OTOP2: variants seen among roughly 807,000 people sequenced by gnomAD.
OTOP2 encodes otopetrin 2.
A neutral mutation model predicts 47.4 loss-of-function variants in OTOP2; 41 were observed. That is an observed-to-expected ratio of 0.87 (90% CI 0.67 to 1.12). The LOEUF (loss-of-function observed/expected upper bound fraction) is 1.12. OTOP2 is among the 50% of genes most tolerant of loss of function. The pLI, the probability that OTOP2 is intolerant of heterozygous loss-of-function variation, is 0.00. For synonymous variants in OTOP2, 328 were observed against 319.6 expected (o/e 1.03, Z -0.28); for missense variants, 721 against 752.2 (o/e 0.96, Z 0.49).
Position 74,924,602 on chromosome 17 carries a change from A to T in OTOP2, c.-31A>T, listed in dbSNP as rs754541581. ...TTTTGTCCGCTCCTCCCCTACAGTG[A>T]TCCCTCTAGCCTTCTCCAGTCGCCT... is the stretch of plus-strand genomic sequence containing the variant. On this transcript the variant is annotated splice_region_variant and 5_prime_UTR_variant, in exon 2 of 7. Coordinates refer to ENST00000331427, the MANE Select transcript of OTOP2 (RefSeq NM_178160.3). The surrounding 1 kb of genome is among the most constrained non-coding windows in gnomAD (Gnocchi z 7.7). 4.6e-6 allele frequency: 7 copies of T among 1,506,176 alleles called. No homozygotes were observed. The highest frequency in any genetic ancestry group is 6.2e-6 in the Non-Finnish European group (7 of 1,132,344). 93.3% of individuals were successfully genotyped at this position (1,506,176 alleles called of 1,614,324 possible).
In OTOP2 at chr17:74,927,703, T is replaced by A; in HGVS notation, c.548T>A (p.Ile183Asn). 2 of 1,614,122 alleles carry A rather than the reference T, an allele frequency of 1.2e-6. No individual in the cohort carries two copies. Among genetic ancestry groups the A allele is most frequent in the Non-Finnish European group, 1.7e-6 (2 of 1,180,004 alleles). The change falls in exon 5 of 7, where the codon ATC becomes AAC. Residue 183 changes from isoleucine (I) to asparagine (N), a missense_variant. Physicochemically the swap from Ile to Asn is moderately radical, Grantham distance 149. Transcript: ENST00000331427. ...LMFTLTTNLA[I>N]WMAAVVDESV... Reference sequence around the variant, plus strand: ...TTCACACTCACCACCAACCTGGCCATCTGGATGGCGGCCGTGGTGGATGAA... The same window carrying A: ...TTCACACTCACCACCAACCTGGCCAACTGGATGGCGGCCGTGGTGGATGAA...
Position 74,924,923 on chromosome 17 carries a change from C to A in OTOP2, c.291C>A (p.His97Gln), listed in dbSNP as rs2038992155. Residue 97 changes from histidine to glutamine, a missense_variant, in exon 2 of 7, where the codon CAC becomes CAA. By Grantham distance (24) the His-to-Gln change is conservative. Coordinates refer to ENST00000331427, the MANE Select transcript of OTOP2 (RefSeq NM_178160.3). This position sits in a 1 kb window ranked among gnomAD's most constrained non-coding sequence, Gnocchi z 7.7. The stretch of plus-strand genomic sequence containing the variant: ...GCGCGGTACCCTACCGGGACGCGCA[C>A]GCTGGCCCCATCTGGCTCCGAGGTG... Reference protein sequence around the residue: ...CPCAVPYRDAHAGPIWLRGGL... With the variant: ...CPCAVPYRDAQAGPIWLRGGL... The A allele has an allele frequency of 3.2e-6, 5 of 1,574,718 alleles. No homozygotes were observed. The highest frequency in any genetic ancestry group is 4.3e-6 in the Non-Finnish European group (5 of 1,159,568).
chr17:74,924,610 A>C lies in OTOP2; in HGVS notation c.-23A>C. 6.5e-7 allele frequency: 1 copy of C among 1,536,138 alleles called. No individual in the cohort carries two copies. Among genetic ancestry groups the C allele is most frequent in the Non-Finnish European group, 8.7e-7 (1 of 1,147,700 alleles). On this transcript the variant is annotated 5_prime_UTR_variant, in exon 2 of 7. Transcript: ENST00000331427. The surrounding 1 kb of genome is among the most constrained non-coding windows in gnomAD (Gnocchi z 7.7). The stretch of plus-strand genomic sequence containing the variant: ...GCTCCTCCCCTACAGTGATCCCTCT[A>C]GCCTTCTCCAGTCGCCTCCGCCATG...
Position 74,930,328 on chromosome 17 carries a change from C to A in OTOP2, c.693C>A (p.Ala231=). ...VGGDSCLCST[A]VCQIFQQGYF... ...GAGACTCCTGCCTCTGCAGCACGGC[C>A]GTCTGCCAGATCTTCCAGCAGGGGT... is the stretch of plus-strand genomic sequence containing the variant. Residue 231 remains alanine (A), a synonymous_variant, in exon 6 of 7, where the codon GCC becomes GCA. Coordinates refer to ENST00000331427, the MANE Select transcript of OTOP2 (RefSeq NM_178160.3). This position sits in a 1 kb window ranked among gnomAD's most constrained non-coding sequence, Gnocchi z 4.0. 1 of 1,614,126 alleles carries A rather than the reference C, an allele frequency of 6.2e-7. No individual in the cohort carries two copies. The highest frequency in any genetic ancestry group is 2.2e-5 in the East Asian group (1 of 44,890).
Position 74,924,676 on chromosome 17 carries a change from C to T in OTOP2, c.44C>T (p.Ala15Val), listed in dbSNP as rs1421657433. 1.9e-6 allele frequency: 3 copies of T among 1,595,032 alleles called. No homozygotes were observed. Among genetic ancestry groups the T allele is most frequent in the Non-Finnish European group, 2.6e-6 (3 of 1,173,870 alleles). Residue 15 changes from alanine (A) to valine (V), a missense_variant, in exon 2 of 7, where the codon GCG becomes GTG. Ala to Val is a moderately conservative substitution (Grantham distance 64, BLOSUM62 0). Transcript: ENST00000331427. This position sits in a 1 kb window ranked among gnomAD's most constrained non-coding sequence, Gnocchi z 7.7. ...LAQGPKESPPAPRAGPREVWK... is the reference protein window; with the variant it reads ...LAQGPKESPPVPRAGPREVWK... ...CAGGGCCCCAAGGAGAGCCCCCCGG[C>T]GCCGCGTGCGGGCCCCAGGGAGGTG...
chr17:74,933,354 A>G lies in OTOP2; in HGVS notation c.1519-21A>G. The G allele has an allele frequency of 6.3e-7, 1 of 1,583,290 alleles. No individual in the cohort carries two copies. The highest frequency in any genetic ancestry group is 8.6e-7 in the Non-Finnish European group (1 of 1,156,978). ...GGCATCCATCCAGGCCAGCTCCTGA[A>G]ATGCTCCTCTCTCCACACAGCTGTG... On this transcript the variant is annotated intron_variant, in intron 6 of 6. Coordinates refer to ENST00000331427, the MANE Select transcript of OTOP2 (RefSeq NM_178160.3). The surrounding 1 kb of genome is among the most constrained non-coding windows in gnomAD (Gnocchi z 4.7).
In OTOP2 at chr17:74,930,887, A is replaced by G. The variant is rs1486059455; in HGVS notation, c.1252A>G (p.Asn418Asp). 6.2e-7 allele frequency: 1 copy of G among 1,613,830 alleles called. No individual in the cohort carries two copies. The highest frequency in any genetic ancestry group is 8.5e-7 in the Non-Finnish European group (1 of 1,179,998). The change falls in exon 6 of 7, where the codon AAC becomes GAC. Residue 418 changes from asparagine to aspartate, a missense_variant. Physicochemically the swap from Asn to Asp is conservative, Grantham distance 23. Coordinates refer to ENST00000331427, the MANE Select transcript of OTOP2 (RefSeq NM_178160.3). This position sits in a 1 kb window ranked among gnomAD's most constrained non-coding sequence, Gnocchi z 4.0. The part of the protein sequence containing the change: ...LLMIAQHTFQ[N>D]MFIIESLHRG... ...CATGATCGCCCAGCACACCTTCCAG[A>G]ACATGTTTATCATCGAGAGCCTTCA...
At chr17:74,925,089 G>A in intron 2 of OTOP2, 144 bp downstream of exon 2, 5 of 1,089,276 alleles carry the variant, frequency 4.6e-6, no homozygotes, top group Middle Eastern at 3.0e-4. Context: ...GGGTGAAGTG[G>A]GCTGCAGTTA....
chr17:74,925,710 G>T lies in OTOP2; in HGVS notation c.450+18G>T, dbSNP rs751859623. 2 of 1,613,562 alleles carry T rather than the reference G, an allele frequency of 1.2e-6. No individual in the cohort carries two copies. Among genetic ancestry groups the T allele is most frequent in the Admixed American group, 1.7e-5 (1 of 59,960 alleles). ...TCATCCAGGTGGGTGGAGGAGTGTC[G>T]CTGTGTGGAAGAAAGGAGCTAACAC... On this transcript the variant is annotated intron_variant, in intron 3 of 6. Transcript: ENST00000331427.
chr17:74,924,431 G>C lies in OTOP2; in HGVS notation c.-34+98G>C. ...CGCTTCTCCTTTCTTCCCATCCAGC[G>C]AGAGGGGCAGGTTCCGCATTTTCTC... On this transcript the variant is annotated intron_variant, in intron 1 of 6. Coordinates refer to ENST00000331427, the MANE Select transcript of OTOP2 (RefSeq NM_178160.3). The surrounding 1 kb of genome is among the most constrained non-coding windows in gnomAD (Gnocchi z 7.7). The C allele has an allele frequency of 3.4e-6, 2 of 586,428 alleles. No homozygotes were observed. Among genetic ancestry groups the C allele is most frequent in the Non-Finnish European group, 5.7e-6 (2 of 348,144 alleles). 36.3% of individuals were successfully genotyped at this position (586,428 alleles called of 1,614,324 possible). A position where few individuals can be genotyped will look rare whatever the true frequency, so the allele number is the denominator to read the frequency against.
chr17:74,928,024 C>T (rs959622851), intron 5 of OTOP2: 1 of 565,234 alleles, frequency 1.8e-6, no homozygotes, highest in Non-Finnish European at 3.0e-6. Flanking sequence ...GCCCAGGCCC[C>T]CCTGTCCAGT....
chr17:74,927,964 T>A, intron 5 of OTOP2, 166 bp downstream of exon 5: 1 of 950,162 alleles, frequency 1.1e-6, no homozygotes, highest in Non-Finnish European at 1.5e-6. Context: ...TAGGTGTAGG[T>A]GACCCCAGAA....
rs777273457 is a variant in OTOP2, at chr17:74,924,888, C to A, written c.256C>A (p.Arg86Ser). The change falls in exon 2 of 7, where the codon CGC becomes AGC. Residue 86 changes from arginine to serine, a missense_variant. Coordinates refer to ENST00000331427, the MANE Select transcript of OTOP2 (RefSeq NM_178160.3). The surrounding 1 kb of genome is among the most constrained non-coding windows in gnomAD (Gnocchi z 7.7). The stretch of plus-strand genomic sequence containing the variant: ...CCTCTTCTACCTCCTCCGAACCGTG[C>A]GCTGCCCCTGCGCGGTACCCTACCG... ...WILFYLLRTV[R>S]CPCAVPYRDA... 8.8e-6 allele frequency: 14 copies of A among 1,598,318 alleles called. No homozygotes were observed. Among genetic ancestry groups the A allele is most frequent in the Non-Finnish European group, 1.2e-5 (14 of 1,173,360 alleles).
chr17:74,933,459 GTC>G lies in OTOP2; in HGVS notation c.1604_1605del (p.Val535AspfsTer128). The G allele has an allele frequency of 6.2e-7, 1 of 1,614,154 alleles. No individual in the cohort carries two copies. On this transcript the variant is annotated frameshift_variant, in exon 7 of 7. Transcript: ENST00000331427. LOFTEE classifies it high-confidence loss of function. This position sits in a 1 kb window ranked among gnomAD's most constrained non-coding sequence, Gnocchi z 4.7. ...VDFYGYSLWA[V>X]IVNICLPFGI... ...TTTCTACGGCTACTCCCTCTGGGCG[GTC>G]ATCGTCAACATCTGCCTCCCTTTCG...
At position 74,924,536 on chromosome 17, in the gene OTOP2, G is replaced by T; in HGVS notation, c.-33-64G>T. 7.3e-7 allele frequency: 1 copy of T among 1,370,764 alleles called. No individual in the cohort carries two copies. The highest frequency in any genetic ancestry group is 9.6e-7 in the Non-Finnish European group (1 of 1,039,656). 84.9% of individuals were successfully genotyped at this position (1,370,764 alleles called of 1,614,324 possible). On this transcript the variant is annotated intron_variant, in intron 1 of 6. Transcript: ENST00000331427. This position sits in a 1 kb window ranked among gnomAD's most constrained non-coding sequence, Gnocchi z 7.7. ...GAACTCCCTAGTCCCCAAGTCTAGG[G>T]ATGAGATGGGGGAAGGAGAGCCGTC... is the stretch of plus-strand genomic sequence containing the variant.
chr17:74,927,916 AG>A (rs1169142022), intron 5 of OTOP2, 118 bp downstream of exon 5: 5 of 1,332,304 alleles, frequency 3.8e-6, no homozygotes, highest in Admixed American at 2.5e-5. Context: ...GGACAGAGCC[AG>A]GGTCCTCCTC....
rs1555628563 is a variant in OTOP2, at chr17:74,927,803, G to A, written c.643+5G>A. 3 of 1,613,566 alleles carry A rather than the reference G, an allele frequency of 1.9e-6. No individual in the cohort carries two copies. The highest frequency in any genetic ancestry group is 2.5e-6 in the Non-Finnish European group (3 of 1,179,750). ...ACGCCCGTCTCATCTCTGACCGTGA[G>A]TTTCCTCTTAATGCTGGCCCTGTGG... On this transcript the variant is annotated splice_donor_5th_base_variant and intron_variant, in intron 5 of 6. Coordinates refer to ENST00000331427, the MANE Select transcript of OTOP2 (RefSeq NM_178160.3).
At chr17:74,931,442 G>C (rs1395373464) in intron 6 of OTOP2, among the ~76,000 whole-genome samples, 1 of 152,194 alleles carries the variant, frequency 6.6e-6, no homozygotes, top group South Asian at 2.1e-4. Flanking sequence ...AGGTGAGAGG[G>C]AGCTGAGAGC....
At chr17:74,925,829 A>G in intron 3 of OTOP2, 137 bp downstream of exon 3, 1 of 1,292,572 alleles carries the variant, frequency 7.7e-7, no homozygotes, top group Non-Finnish European at 1.1e-6. Flanking sequence ...ACAGGGCTGT[A>G]GAGAGCATCA....
Sources: gnomAD v4.1 joint callset for allele counts (sites outside exome capture counted in the v4.1 genomes callset) on GRCh38, gnomAD v4.1.1 for gene constraint, Gnocchi (gnomAD v3.1) non-coding constraint, MANE v1.5 for transcripts, NCBI Gene and HGNC (gene_info 2026-07-23, HGNC 2026-07-21) for gene names.